DIAPH2: variants seen among roughly 807,000 people sequenced by gnomAD.
DIAPH2 encodes the protein protein diaphanous homolog 2.
In DIAPH2, 35 loss-of-function variants were observed where a neutral mutation model predicts 92.7. That is an observed-to-expected ratio of 0.38 (90% CI 0.29 to 0.50). The LOEUF (loss-of-function observed/expected upper bound fraction) is 0.50, where lower values mean the gene tolerates loss of function less well. Ranked by LOEUF, DIAPH2 falls within the 20% of genes least tolerant of loss-of-function variation. The pLI, the probability that DIAPH2 is intolerant of heterozygous loss-of-function variation, is 0.94. For missense variants in DIAPH2, 701 were observed against 819.5 expected, an observed-to-expected ratio of 0.86 and a Z score of 1.77; for synonymous variants, 301 against 280.4, an observed-to-expected ratio of 1.07 and a Z score of -0.73.
chrX:96,716,446 G>A (rs1292369661), intron 1 of DIAPH2, among the ~76,000 whole-genome samples: 1 of 111,549 alleles, frequency 9.0e-6, no homozygotes, highest in East Asian at 2.8e-4. Flanking sequence ...AGTTACTGAT[G>A]TATAGTCTCT....
rs1033416869 is a variant in DIAPH2, at chrX:96,752,751, T to A, written c.343-5403T>A. Among the ~76,000 whole-genome samples the A allele has an allele frequency of 4.5e-5, 5 of 111,900 alleles. No individual in the cohort carries two copies. In the Admixed American group the frequency reaches 4.7e-4, roughly 11 times the overall value. On this transcript the variant is annotated intron_variant, in intron 3 of 26. Coordinates refer to ENST00000324765, the MANE Select transcript of DIAPH2 (RefSeq NM_006729.5). ...ATAATGAGTGTGTAACAACACAGTT[T>A]ATGTAGCAAAACTACAAACAACCTA... is the stretch of plus-strand genomic sequence containing the variant.
intron 26 of DIAPH2, among the ~76,000 whole-genome samples, chrX:97,466,606 T>C (rs1443390413): frequency 8.9e-6 from 1 of 111,959 alleles, no homozygotes; most frequent in East Asian, 2.8e-4. Flanking sequence ...GGAAACTAGA[T>C]GAATTTAGAG....
intron 26 of DIAPH2, among the ~76,000 whole-genome samples, chrX:97,571,722 A>C (rs745903151): frequency 1.2e-4 from 13 of 111,021 alleles, no homozygotes; most frequent in African/African-American, 4.2e-4. Flanking sequence ...GCGTCTGTGC[A>C]TGGCAGCCTG....
intron 16 of DIAPH2, among the ~76,000 whole-genome samples, chrX:96,962,314 T>C (rs867982569): frequency 0.014 from 581 of 42,510 alleles, 17 homozygotes; most frequent in South Asian, 0.033. Flanking sequence ...TATATATACA[T>C]ATATATATAC....
chrX:97,348,350 A>G, intron 24 of DIAPH2, 70 bp downstream of exon 24: 3 of 935,849 alleles, frequency 3.2e-6, no homozygotes, highest in Non-Finnish European at 4.4e-6. Flanking sequence ...TTCTATTGTC[A>G]TTTTATGTTC....
At chrX:96,864,820 G>T (rs1245327642) in intron 4 of DIAPH2, among the ~76,000 whole-genome samples, 1 of 112,022 alleles carries the variant, frequency 8.9e-6, no homozygotes, top group Non-Finnish European at 1.9e-5. Flanking sequence ...GAAATCAGAT[G>T]CCCTAGGCTT....
At chrX:97,553,405 A>C (rs1014567010) in intron 26 of DIAPH2, among the ~76,000 whole-genome samples, 2 of 111,983 alleles carry the variant, frequency 1.8e-5, no homozygotes, top group South Asian at 7.4e-4. Context: ...TGTATTGATA[A>C]GAATTTTTTT....
At chrX:97,081,454 A>G (rs1331302547) in intron 19 of DIAPH2, among the ~76,000 whole-genome samples, 1 of 112,387 alleles carries the variant, frequency 8.9e-6, no homozygotes, top group Non-Finnish European at 1.9e-5. Context: ...ACAGAGAAAG[A>G]AAAGGTAGCT....
At chrX:97,420,723 C>T (rs927196183) in intron 25 of DIAPH2, among the ~76,000 whole-genome samples, 6 of 111,994 alleles carry the variant, frequency 5.4e-5, no homozygotes, top group African/African-American at 1.9e-4. Flanking sequence ...GTTTTACAAA[C>T]TTTCGACTAC....
intron 4 of DIAPH2, among the ~76,000 whole-genome samples, chrX:96,786,593 G>T (rs1347262302): frequency 8.9e-6 from 1 of 111,884 alleles, no homozygotes; most frequent in African/African-American, 3.2e-5. Context: ...TTATAGCTGT[G>T]TTATTTACAT....
chrX:97,430,654 TC>T (rs2070117386), intron 26 of DIAPH2, among the ~76,000 whole-genome samples: 1 of 112,476 alleles, frequency 8.9e-6, no homozygotes, highest in African/African-American at 3.2e-5. Flanking sequence ...AGCCTGCAAT[TC>T]CAAAAATATT....
chrX:97,270,346 G>A (rs746551235), intron 23 of DIAPH2, among the ~76,000 whole-genome samples: 32 of 112,364 alleles, frequency 2.8e-4, no homozygotes, highest in Admixed American at 2.0e-3. Flanking sequence ...TTACAGGCGT[G>A]AGCCACCATG....
At position 97,148,580 on chromosome X, in the gene DIAPH2, C is replaced by T. The variant is rs766925728; in HGVS notation, c.2719+6786C>T. Among the ~76,000 whole-genome samples, 10 of 110,958 alleles carry T rather than the reference C, an allele frequency of 9.0e-5. No individual in the cohort carries two copies. The South Asian group carries it at 4.1e-3, about 45-fold the overall frequency. ...CAATCTCGGTGCTATCATAGCACCT[C>T]AGTCGGAGGGGCTCAATCTATGGCC... On this transcript the variant is annotated intron_variant, in intron 22 of 26. Coordinates refer to ENST00000324765, the MANE Select transcript of DIAPH2 (RefSeq NM_006729.5).
intron 26 of DIAPH2, among the ~76,000 whole-genome samples, chrX:97,435,856 G>A (rs1472694204): frequency 3.0e-5 from 3 of 98,801 alleles, no homozygotes; most frequent in Non-Finnish European, 6.0e-5. Flanking sequence ...TGCCCAGGCT[G>A]GAGTGCGGTG....
intron 26 of DIAPH2, among the ~76,000 whole-genome samples, chrX:97,480,201 G>T (rs749226630): frequency 9.0e-6 from 1 of 111,602 alleles, no homozygotes; most frequent in East Asian, 2.8e-4. Context: ...TTATAAGTAG[G>T]CCATGTGGGA....
chrX:96,864,655 C>A (rs2065093535), intron 4 of DIAPH2, among the ~76,000 whole-genome samples: 1 of 111,881 alleles, frequency 8.9e-6, no homozygotes, highest in African/African-American at 3.3e-5. Flanking sequence ...AATCCCCAAA[C>A]TAAAGCAGTG....
chrX:97,397,492 A>G (rs1314730104), intron 25 of DIAPH2, among the ~76,000 whole-genome samples: 2 of 112,006 alleles, frequency 1.8e-5, no homozygotes, highest in East Asian at 2.8e-4. Context: ...GGATGGATGC[A>G]TATAGGTCTA....
At chrX:96,781,483 C>A (rs1324358265) in intron 4 of DIAPH2, among the ~76,000 whole-genome samples, 1 of 111,563 alleles carries the variant, frequency 9.0e-6, no homozygotes, top group Non-Finnish European at 1.9e-5. Context: ...ACCACATTCA[C>A]TATCCATTTT....
intron 4 of DIAPH2, among the ~76,000 whole-genome samples, chrX:96,781,102 C>T (rs777395268): frequency 2.7e-5 from 3 of 111,374 alleles, no homozygotes; most frequent in Non-Finnish European, 5.6e-5. Context: ...GCCACCGTGC[C>T]GGGCCTCTGA....
Sources: gnomAD v4.1 joint callset for allele counts (sites outside exome capture counted in the v4.1 genomes callset) on GRCh38, gnomAD v4.1.1 for gene constraint, MANE v1.5 for transcripts, NCBI Gene and HGNC (gene_info 2026-07-23, HGNC 2026-07-21) for gene names.